Variants in CSMD1 observed in about 807,000 individuals in gnomAD.
The protein encoded by CSMD1 is CUB and sushi domain-containing protein 1.
In CSMD1, 213 loss-of-function variants were observed where a neutral mutation model predicts 417.5. That is an observed-to-expected ratio of 0.51 (90% CI 0.46 to 0.57). The LOEUF (loss-of-function observed/expected upper bound fraction) is 0.57. Ranked by LOEUF, CSMD1 falls within the 20% of genes least tolerant of loss-of-function variation. The pLI, the probability that CSMD1 is intolerant of heterozygous loss-of-function variation, is 0.00. For missense variants in CSMD1, 6,923 were observed against 4,529.7 expected (o/e 1.53, Z -15.17); for synonymous variants, 2,862 against 1,736.8 (o/e 1.65, Z -16.11).
At chr8:3,124,125 A>C (rs1021798536) in intron 41 of CSMD1, among the ~76,000 whole-genome samples, 2 of 152,116 alleles carry the variant, frequency 1.3e-5, no homozygotes, top group Non-Finnish European at 2.9e-5. Flanking sequence ...GCAACAAAAC[A>C]ATTATCCTGT....
At chr8:3,195,458 C>T (rs192119761) in intron 33 of CSMD1, among the ~76,000 whole-genome samples, 1 of 152,328 alleles carries the variant, frequency 6.6e-6, no homozygotes, top group Admixed American at 6.5e-5. Flanking sequence ...GAATCAATGG[C>T]CTCTTCTAAT....
chr8:4,521,760 A>G (rs1803465409), intron 2 of CSMD1, among the ~76,000 whole-genome samples: 3 of 152,160 alleles, frequency 2.0e-5, no homozygotes, highest in Admixed American at 2.0e-4. Flanking sequence ...TAGATTAGAG[A>G]AAGCTCTTCA....
chr8:4,482,251 C>T (rs1008282781), intron 2 of CSMD1, among the ~76,000 whole-genome samples: 19 of 152,166 alleles, frequency 1.2e-4, no homozygotes, highest in Non-Finnish European at 2.5e-4. Flanking sequence ...TTCTCCCATC[C>T]TCCACCCTTA....
At chr8:3,514,391 C>G (rs1181337978) in intron 10 of CSMD1, among the ~76,000 whole-genome samples, 1 of 152,186 alleles carries the variant, frequency 6.6e-6, no homozygotes, top group Admixed American at 6.5e-5. Flanking sequence ...ATACAACATG[C>G]AATCTCTTGG....
At chr8:4,897,805 G>C (rs1018992282) in intron 1 of CSMD1, among the ~76,000 whole-genome samples, 1 of 152,098 alleles carries the variant, frequency 6.6e-6, no homozygotes, top group African/African-American at 2.4e-5. Context: ...TGATACAGAA[G>C]AGACAGAGAC....
At chr8:4,706,194 T>A (rs1207139078) in intron 1 of CSMD1, among the ~76,000 whole-genome samples, 1 of 151,606 alleles carries the variant, frequency 6.6e-6, no homozygotes, top group African/African-American at 2.4e-5. Context: ...AATATATTTT[T>A]TCCAAAATAT....
At chr8:3,584,974 C>T (rs761830424) in intron 9 of CSMD1, among the ~76,000 whole-genome samples, 1 of 152,136 alleles carries the variant, frequency 6.6e-6, no homozygotes, top group Admixed American at 6.5e-5. Flanking sequence ...AAGAAGGGGA[C>T]AGCCATGTGC....
At chr8:4,224,165 C>G (rs1801207973) in intron 3 of CSMD1, among the ~76,000 whole-genome samples, 1 of 152,064 alleles carries the variant, frequency 6.6e-6, no homozygotes, top group Non-Finnish European at 1.5e-5. Flanking sequence ...TACACATAAT[C>G]ACAAAACTAT....
intron 47 of CSMD1, among the ~76,000 whole-genome samples, chr8:3,091,881 A>T (rs1040427229): frequency 3.3e-5 from 5 of 152,232 alleles, no homozygotes; most frequent in African/African-American, 1.2e-4. Flanking sequence ...TGCATATGCT[A>T]TTAATGGTGT....
chr8:3,796,766 CT>C (rs1185991930), intron 5 of CSMD1, among the ~76,000 whole-genome samples: 1 of 151,184 alleles, frequency 6.6e-6, no homozygotes, highest in East Asian at 1.9e-4. Flanking sequence ...ACAAAATATT[CT>C]GATCATCATA....
At chr8:3,239,887 G>A (rs1229383641) in intron 26 of CSMD1, among the ~76,000 whole-genome samples, 2 of 152,138 alleles carry the variant, frequency 1.3e-5, no homozygotes, top group South Asian at 2.1e-4. Flanking sequence ...GTGGGAGGCT[G>A]GATTGAAGTC....
chr8:3,499,631 C>T (rs1008372159), intron 10 of CSMD1, among the ~76,000 whole-genome samples: 7 of 151,946 alleles, frequency 4.6e-5, no homozygotes, highest in African/African-American at 1.5e-4. Flanking sequence ...TGGGAGCATG[C>T]ACTTTGGCTC....
chr8:4,637,783 G>C (rs1449927473), intron 1 of CSMD1, among the ~76,000 whole-genome samples: 2 of 149,166 alleles, frequency 1.3e-5, no homozygotes, highest in Non-Finnish European at 3.0e-5. Flanking sequence ...CCATTCTCCT[G>C]CCTCAGCCTC....
At chr8:3,094,988 A>G (rs1411152268) in intron 47 of CSMD1, among the ~76,000 whole-genome samples, 1 of 152,158 alleles carries the variant, frequency 6.6e-6, no homozygotes, top group Non-Finnish European at 1.5e-5. Context: ...AGCAAGTATT[A>G]TGCTATTGTC....
chr8:4,111,315 G>T (rs941490642), intron 3 of CSMD1, among the ~76,000 whole-genome samples: 3 of 152,128 alleles, frequency 2.0e-5, no homozygotes, highest in East Asian at 3.8e-4. Flanking sequence ...GATGGCTGAA[G>T]AAAGAATCTG....
At chr8:4,333,324 C>T (rs892370507) in intron 3 of CSMD1, among the ~76,000 whole-genome samples, 18 of 151,978 alleles carry the variant, frequency 1.2e-4, no homozygotes, top group African/African-American at 3.6e-4. Context: ...CATCTAGATC[C>T]GAGAGAGATG....
chr8:3,137,065 A>T (rs1239322803), intron 41 of CSMD1, among the ~76,000 whole-genome samples: 1 of 152,108 alleles, frequency 6.6e-6, no homozygotes. Context: ...CTACATCTGT[A>T]TGTTCATCAT....
chr8:4,221,642 T>A (rs1342416914), intron 3 of CSMD1, among the ~76,000 whole-genome samples: 1 of 152,036 alleles, frequency 6.6e-6, no homozygotes, highest in Non-Finnish European at 1.5e-5. Context: ...TCACATCCCC[T>A]GACACCATCC....
At position 4,355,034 on chromosome 8, in the gene CSMD1, G is replaced by A. The variant is rs185126226; in HGVS notation, c.415+64919C>T. Reference sequence around the variant, plus strand: ...TCCCAGCACTTTGGGAGGCCGAGGCGGGCGGATGACGAGGTCAGGAGATCG... The same window carrying A: ...TCCCAGCACTTTGGGAGGCCGAGGCAGGCGGATGACGAGGTCAGGAGATCG... On this transcript the variant is annotated intron_variant, in intron 3 of 69. Coordinates refer to ENST00000635120, the MANE Select transcript of CSMD1 (RefSeq NM_033225.6). Among the ~76,000 whole-genome samples, 745 of 151,942 alleles carry A rather than the reference G, an allele frequency of 4.9e-3. 4 individuals are homozygous for A. The highest frequency in any genetic ancestry group is 5.4e-3 in the Non-Finnish European group (365 of 67,958).
Sources: gnomAD v4.1 joint callset for allele counts (sites outside exome capture counted in the v4.1 genomes callset) on GRCh38, gnomAD v4.1.1 for gene constraint, MANE v1.5 for transcripts, NCBI Gene and HGNC (gene_info 2026-07-23, HGNC 2026-07-21) for gene names.